POLI: variants seen among roughly 807,000 people sequenced by gnomAD.
The protein encoded by POLI is RAD30 homolog B.
A neutral mutation model predicts 51.6 loss-of-function variants in POLI; 58 were observed. That is an observed-to-expected ratio of 1.12 (90% confidence interval 0.91 to 1.40). The LOEUF (loss-of-function observed/expected upper bound fraction) is 1.40, where lower values mean the gene tolerates loss of function less well. POLI is among the 40% of genes most tolerant of loss of function. The pLI, the probability that POLI is intolerant of heterozygous loss-of-function variation, is 0.00. For missense variants in POLI, 921 were observed against 871.3 expected, an observed-to-expected ratio of 1.06 and a Z score of -0.72; for synonymous variants, 322 against 299.7, an observed-to-expected ratio of 1.07 and a Z score of -0.77.
intron 4 of POLI, among the ~76,000 whole-genome samples, chr18:54,279,352 C>G (rs937506742): frequency 6.6e-6 from 1 of 151,062 alleles, no homozygotes; most frequent in African/African-American, 2.4e-5. Context: ...AAGCAATTCT[C>G]CTGCTTCAGC....
intron 8 of POLI, among the ~76,000 whole-genome samples, chr18:54,290,977 A>C (rs1037876584): frequency 1.4e-4 from 21 of 152,264 alleles, no homozygotes; most frequent in African/African-American, 4.3e-4. Flanking sequence ...AAAGTATAAA[A>C]GAAAAAAAAT....
At chr18:54,288,651 G>GT (rs1181469473) in intron 8 of POLI, among the ~76,000 whole-genome samples, 12 of 148,140 alleles carry the variant, frequency 8.1e-5, no homozygotes, top group African/African-American at 1.5e-4. Flanking sequence ...TTTTTTTTCC[G>GT]TTTTTTCTTA....
At chr18:54,303,503 G>A (rs2088527835) in intron 3 of POLI, among the ~76,000 whole-genome samples, 1 of 152,080 alleles carries the variant, frequency 6.6e-6, no homozygotes, top group Non-Finnish European at 1.5e-5. Context: ...TATTTCTGCT[G>A]ACTACTCACA....
At chr18:54,308,050 T>C (rs2088617421) in intron 3 of POLI, among the ~76,000 whole-genome samples, 1 of 152,222 alleles carries the variant, frequency 6.6e-6, no homozygotes, top group African/African-American at 2.4e-5. Flanking sequence ...TGCCAGTCTA[T>C]GTCTTTTAAT....
chr18:54,319,331 C>G (rs541719539), intron 3 of POLI, among the ~76,000 whole-genome samples: 1 of 152,118 alleles, frequency 6.6e-6, no homozygotes, highest in Non-Finnish European at 1.5e-5. Flanking sequence ...ATGGAAACCA[C>G]AGTTCTGATT....
At position 54,282,899 on chromosome 18, in the gene POLI, C is replaced by A; in HGVS notation, c.859C>A (p.Gln287Lys). 1 of 1,589,420 alleles carries A rather than the reference C, an allele frequency of 6.3e-7. No homozygotes were observed. Residue 287 changes from glutamine (Q) to lysine (K), a missense_variant, in exon 6 of 10, where the codon CAA (glutamine) becomes AAA (lysine). Gln to Lys is a moderately conservative substitution (Grantham distance 53). Coordinates refer to ENST00000579534, the MANE Select transcript of POLI (RefSeq NM_007195.3). The part of the protein sequence containing the change: ...ALGINSVRDL[Q>K]TFSPKILEKE... ...GGGTATCAATAGTGTGCGTGATCTCCAAACCTTTTCACCCAAAATTTTAGA... is the reference window on the plus strand; with the variant it reads ...GGGTATCAATAGTGTGCGTGATCTCAAAACCTTTTCACCCAAAATTTTAGA...
At position 54,296,694 on chromosome 18, in the gene POLI, C is replaced by T. The variant is rs1019558738; in HGVS notation, c.*2227C>T. On this transcript the variant is annotated 3_prime_UTR_variant, in exon 10 of 10. Coordinates refer to ENST00000579534, the MANE Select transcript of POLI (RefSeq NM_007195.3). ...CTCTTTACTGCATTTTGGGTAATTT[C>T]ATCAGCTCTATCTTTCTGTTTACTA... The T allele has an allele frequency of 2.8e-5, 5 of 179,400 alleles. No homozygotes were observed. The highest frequency in any genetic ancestry group is 1.2e-4 in the African/African-American group (5 of 41,782). The allele number at this position is 179,400 out of a possible 1,614,324, so 11.1% of individuals were successfully genotyped here. A position where few individuals can be genotyped will look rare whatever the true frequency, so the allele number is the denominator to read the frequency against.
Position 54,297,523 on chromosome 18 carries a change from G to A in POLI, c.*3056G>A. 2.0e-6 allele frequency: 2 copies of A among 980,540 alleles called. No individual in the cohort carries two copies. Among genetic ancestry groups the A allele is most frequent in the Non-Finnish European group, 2.4e-6 (2 of 825,716 alleles). The allele number at this position is 980,540 out of a possible 1,614,324, so 60.7% of individuals were successfully genotyped here. A position where few individuals can be genotyped will look rare whatever the true frequency, so the allele number is the denominator to read the frequency against. On this transcript the variant is annotated 3_prime_UTR_variant, in exon 10 of 10. Transcript: ENST00000579534. ...GTATCTATTCCACTGTAGTGCCAAA[G>A]TACAAATTTATTTGGATTTATTTTT...
chr18:54,294,941 C>T lies in POLI; in HGVS notation c.*474C>T, dbSNP rs3730830. ...TAGTTTTGACTAAAGTACTACATTACATTTAGTATGTTGACTTTTAAAATA... is the reference window on the plus strand; with the variant it reads ...TAGTTTTGACTAAAGTACTACATTATATTTAGTATGTTGACTTTTAAAATA... On this transcript the variant is annotated 3_prime_UTR_variant, in exon 10 of 10. Transcript: ENST00000579534. 117,513 of 971,494 alleles carry T rather than the reference C, an allele frequency of 0.12. 7,469 individuals are homozygous for T. Among genetic ancestry groups the T allele is most frequent in the South Asian group, 0.14 (3,041 of 21,028 alleles). 60.2% of individuals were successfully genotyped at this position (971,494 alleles called of 1,614,324 possible). A position where few individuals can be genotyped will look rare whatever the true frequency, so the allele number is the denominator to read the frequency against.
At chr18:54,286,713 G>A (rs1397317683) in intron 7 of POLI, among the ~76,000 whole-genome samples, 1 of 152,138 alleles carries the variant, frequency 6.6e-6, no homozygotes. Context: ...GGAGGCTGAG[G>A]TGGGGGGATC....
In POLI at chr18:54,297,132, C is replaced by A. The variant is rs1449272781; in HGVS notation, c.*2665C>A. 49 of 985,300 alleles carry A rather than the reference C, an allele frequency of 5.0e-5. No homozygotes were observed. The highest frequency in any genetic ancestry group is 5.9e-5 in the Non-Finnish European group (49 of 829,928). 61.0% of individuals were successfully genotyped at this position (985,300 alleles called of 1,614,324 possible). A position where few individuals can be genotyped will look rare whatever the true frequency, so the allele number is the denominator to read the frequency against. On this transcript the variant is annotated 3_prime_UTR_variant, in exon 10 of 10. Transcript: ENST00000579534. ...TTAAGTGTAAGCTCCCTGACCCTTA[C>A]TACTAGCCGAAGGTTTTGTCTCTGC...
At chr18:54,275,484 A>G (rs2087200150) in intron 3 of POLI, among the ~76,000 whole-genome samples, 1 of 152,354 alleles carries the variant, frequency 6.6e-6, no homozygotes, top group East Asian at 1.9e-4. Context: ...TTATATAGCC[A>G]TTAAAAAGAA....
At chr18:54,284,082 T>G (rs1599200994) in intron 7 of POLI, 69 bp downstream of exon 7, 1 of 551,096 alleles carries the variant, frequency 1.8e-6, no homozygotes, top group East Asian at 3.1e-5. Context: ...GGAAAGAATA[T>G]TTGATGTTCC....
intron 3 of POLI, among the ~76,000 whole-genome samples, chr18:54,277,470 A>G (rs1464599198): frequency 2.6e-5 from 4 of 152,210 alleles, no homozygotes; most frequent in Non-Finnish European, 5.9e-5. Flanking sequence ...ATTGCCATGA[A>G]TAACTGCCCT....
rs2144597687 is a variant in POLI at position 54,293,904 on chromosome 18, G to C, written c.1660G>C (p.Gly554Arg). ...LSGKSREKFQ[G>R]KGSVSCPLHA... The stretch of plus-strand genomic sequence containing the variant: ...TGGAAAATCTAGGGAAAAATTTCAA[G>C]GGAAAGGAAGTGTGAGTTGTCCATT... The change falls in exon 10 of 10, where the codon GGG (glycine) becomes CGG (arginine). Residue 554 changes from glycine to arginine, a missense_variant. Physicochemically the swap from Gly to Arg is moderately radical, Grantham distance 125 (BLOSUM62 -2). Transcript: ENST00000579534. 1 of 1,613,166 alleles carries C rather than the reference G, an allele frequency of 6.2e-7. No homozygotes were observed. The highest frequency in any genetic ancestry group is 1.1e-5 in the South Asian group (1 of 91,036).
At chr18:54,284,857 G>A (rs1203873423) in intron 7 of POLI, 1 of 152,150 alleles carries the variant, frequency 6.6e-6, no homozygotes, top group East Asian at 1.9e-4. Context: ...CATTATACAT[G>A]TATTTCTCAA....
chr18:54,282,034 TTTTG>T (rs2087524716), intron 5 of POLI, among the ~76,000 whole-genome samples: 1 of 152,156 alleles, frequency 6.6e-6, no homozygotes, highest in African/African-American at 2.4e-5. Context: ...TAGCAAGATT[TTTTG>T]TTTGTTTGCT....
At chr18:54,286,507 A>G (rs1231042076) in intron 7 of POLI, among the ~76,000 whole-genome samples, 2 of 152,144 alleles carry the variant, frequency 1.3e-5, no homozygotes, top group Admixed American at 1.3e-4. Context: ...TCTTTAACAA[A>G]AGTAATGTCA....
upstream of POLI, chr18:54,269,507 G>A (rs1380327266): frequency 1.7e-5 from 25 of 1,501,192 alleles, no homozygotes; most frequent in Admixed American, 5.0e-5. Flanking sequence ...GAGACCAGGC[G>A]GAAGCGGCCG....
Sources: gnomAD v4.1 joint callset for allele counts (sites outside exome capture counted in the v4.1 genomes callset) on GRCh38, gnomAD v4.1.1 for gene constraint, MANE v1.5 for transcripts, NCBI Gene and HGNC (gene_info 2026-07-23, HGNC 2026-07-21) for gene names.